ANKS1B: variants seen among roughly 807,000 people sequenced by gnomAD.
ANKS1B encodes ankyrin repeat and sterile alpha motif domain containing 1B.
Under a neutral mutation model 148.3 loss-of-function variants are expected in ANKS1B, and 36 were observed. The observed-to-expected ratio is 0.24, with a 90% CI of 0.19 to 0.32. The LOEUF (loss-of-function observed/expected upper bound fraction) is 0.32, where lower values mean the gene tolerates loss of function less well. Ranked by LOEUF, ANKS1B falls within the 10% of genes least tolerant of loss-of-function variation. The pLI is 1.00. For synonymous variants in ANKS1B, 542 were observed against 560.8 expected (o/e 0.97, Z 0.47); for missense variants, 1,157 against 1,542.6 (o/e 0.75, Z 4.19).
chr12:98,880,563 G>A lies in ANKS1B; in HGVS notation c.2779-48427C>T, dbSNP rs189155828. Among the ~76,000 whole-genome samples, 429 of 152,136 alleles carry A rather than the reference G, an allele frequency of 2.8e-3. 20 individuals are homozygous for A. In the East Asian group the frequency reaches 0.074, roughly 26 times the overall value. ...GGGTGGATCACAAGGTCAGGAGATCGAGACCATCCTGGCTAACATGGTGAA... is the reference window on the plus strand; with the variant it reads ...GGGTGGATCACAAGGTCAGGAGATCAAGACCATCCTGGCTAACATGGTGAA... On this transcript the variant is annotated intron_variant, in intron 17 of 26. Transcript: ENST00000683438.
At chr12:99,894,508 C>CAAA (rs777618998) in intron 1 of ANKS1B, among the ~76,000 whole-genome samples, 142 of 63,928 alleles carry the variant, frequency 2.2e-3, no homozygotes, top group African/African-American at 6.2e-3. Flanking sequence ...GACCCTGTCT[C>CAAA]AAAAAAAAAA....
intron 1 of ANKS1B, among the ~76,000 whole-genome samples, chr12:99,863,306 G>T (rs2090281133): frequency 6.6e-6 from 1 of 151,796 alleles, no homozygotes; most frequent in Admixed American, 6.6e-5. Context: ...CTGAAAAAAA[G>T]AAAAAAACTC....
At chr12:99,447,428 T>G (rs1269829381) in intron 10 of ANKS1B, among the ~76,000 whole-genome samples, 1 of 151,958 alleles carries the variant, frequency 6.6e-6, no homozygotes, top group African/African-American at 2.4e-5. Context: ...CTGGGAAACA[T>G]AGGGAGACCA....
At chr12:99,526,177 C>T (rs2096924644) in intron 9 of ANKS1B, among the ~76,000 whole-genome samples, 1 of 152,094 alleles carries the variant, frequency 6.6e-6, no homozygotes, top group African/African-American at 2.4e-5. Flanking sequence ...AAAATGGGCA[C>T]TTTATATAAA....
chr12:99,331,335 C>T lies in ANKS1B; in HGVS notation c.1756+68296G>A, dbSNP rs78060285. On this transcript the variant is annotated intron_variant, in intron 12 of 26. Coordinates refer to ENST00000683438, the MANE Select transcript of ANKS1B (RefSeq NM_001352186.2). ...TAGTAGCAGTAAATGTCAAAATTCACCTTAAAATGGCATCTCTAATTATAA... is the reference window on the plus strand; with the variant it reads ...TAGTAGCAGTAAATGTCAAAATTCATCTTAAAATGGCATCTCTAATTATAA... Among the ~76,000 whole-genome samples the T allele has an allele frequency of 6.1e-3, 931 of 152,020 alleles. 13 individuals carry two copies. The highest frequency in any genetic ancestry group is 0.02 in the African/African-American group (835 of 41,484).
intron 12 of ANKS1B, among the ~76,000 whole-genome samples, chr12:99,326,542 C>A (rs1299074975): frequency 6.6e-6 from 1 of 152,030 alleles, no homozygotes; most frequent in African/African-American, 2.4e-5. Context: ...TTAAGGACAC[C>A]TGTTTTTCTT....
intron 16 of ANKS1B, among the ~76,000 whole-genome samples, chr12:99,060,199 A>AT (rs911162026): frequency 2.2e-3 from 45 of 20,220 alleles, no homozygotes; most frequent in Admixed American, 4.1e-3. Flanking sequence ...ATATTAACAT[A>AT]TTTTTTTTTT....
chr12:99,198,172 C>T (rs963730574), intron 14 of ANKS1B, among the ~76,000 whole-genome samples: 6 of 152,174 alleles, frequency 3.9e-5, no homozygotes, highest in African/African-American at 1.2e-4. Context: ...ACTCTGCATT[C>T]TTCCGCTATA....
At chr12:99,957,982 G>T (rs1202443365) in intron 1 of ANKS1B, among the ~76,000 whole-genome samples, 2 of 152,288 alleles carry the variant, frequency 1.3e-5, no homozygotes, top group African/African-American at 4.8e-5. Flanking sequence ...TAGTGGGAAG[G>T]CAAACATGTA....
intron 15 of ANKS1B, among the ~76,000 whole-genome samples, chr12:99,124,106 G>T (rs1360683531): frequency 6.6e-6 from 1 of 152,116 alleles, no homozygotes; most frequent in Non-Finnish European, 1.5e-5. Context: ...TGAGTAAAGG[G>T]GTAATATAAT....
At chr12:99,268,707 A>G (rs12303949) in intron 12 of ANKS1B, among the ~76,000 whole-genome samples, 2,174 of 152,338 alleles carry the variant, frequency 0.014, 49 homozygotes, top group African/African-American at 0.05. Context: ...TTTTTATTCT[A>G]AATTAAAAAA....
At chr12:99,080,512 A>G (rs1472150134) in intron 16 of ANKS1B, among the ~76,000 whole-genome samples, 1 of 152,234 alleles carries the variant, frequency 6.6e-6, no homozygotes, top group Non-Finnish European at 1.5e-5. Context: ...CATACAATAT[A>G]AAAGTTGCTT....
intron 12 of ANKS1B, among the ~76,000 whole-genome samples, chr12:99,364,883 G>T (rs2092685353): frequency 6.6e-6 from 1 of 152,126 alleles, no homozygotes; most frequent in Non-Finnish European, 1.5e-5. Flanking sequence ...GGGTCCTAGG[G>T]GCAGTGAGAG....
At chr12:99,088,732 T>G (rs2052854768) in intron 15 of ANKS1B, among the ~76,000 whole-genome samples, 1 of 151,934 alleles carries the variant, frequency 6.6e-6, no homozygotes, top group Non-Finnish European at 1.5e-5. Flanking sequence ...GTGACAGTTG[T>G]GCCATCAAAG....
intron 15 of ANKS1B, among the ~76,000 whole-genome samples, chr12:99,086,027 T>A: frequency 6.6e-6 from 1 of 152,092 alleles, no homozygotes; most frequent in East Asian, 1.9e-4. Context: ...GTTAAAAAAA[T>A]TATTGAATGC....
intron 14 of ANKS1B, among the ~76,000 whole-genome samples, chr12:99,179,226 AG>A (rs1327693113): frequency 6.6e-6 from 1 of 151,922 alleles, no homozygotes; most frequent in East Asian, 1.9e-4. Context: ...CAGGAGATTG[AG>A]GCCATCCTGG....
At chr12:99,373,569 T>A (rs1331822221) in intron 12 of ANKS1B, among the ~76,000 whole-genome samples, 1 of 152,128 alleles carries the variant, frequency 6.6e-6, no homozygotes, top group African/African-American at 2.4e-5. Flanking sequence ...AAGGCTGAAA[T>A]TTTTTCCAGC....
At chr12:99,852,522 A>G (rs1240997919) in intron 1 of ANKS1B, among the ~76,000 whole-genome samples, 5 of 152,216 alleles carry the variant, frequency 3.3e-5, no homozygotes, top group Admixed American at 2.0e-4. Flanking sequence ...TTCTCAGAAA[A>G]TGTATGTTTT....
At chr12:99,634,924 A>G (rs1450076654) in intron 9 of ANKS1B, among the ~76,000 whole-genome samples, 1 of 152,202 alleles carries the variant, frequency 6.6e-6, no homozygotes, top group Non-Finnish European at 1.5e-5. Context: ...ACTCAACAAA[A>G]TAACCCAGTT....
Sources: gnomAD v4.1 joint callset for allele counts (sites outside exome capture counted in the v4.1 genomes callset) on GRCh38, gnomAD v4.1.1 for gene constraint, MANE v1.5 for transcripts, NCBI Gene and HGNC (gene_info 2026-07-23, HGNC 2026-07-21) for gene names.